Variants in MTARC2 observed in about 807,000 individuals in gnomAD.
MTARC2 encodes the protein mitochondrial amidoxime reducing component 2, also known as MOCO sulphurase C-terminal domain containing 2.
MTARC2 carries 27 observed loss-of-function variants against 35.6 expected under a neutral mutation model. That is an observed-to-expected ratio of 0.76 (90% CI 0.56 to 1.04). The LOEUF is 1.04. Among genes scored for constraint, MTARC2 ranks in the 50% least tolerant of loss-of-function variants. The pLI, the probability that MTARC2 is intolerant of heterozygous loss-of-function variation, is 0.00. For synonymous variants in MTARC2, 158 were observed against 167.1 expected, an observed-to-expected ratio of 0.95 and a Z score of 0.42; for missense variants, 412 against 432.5, an observed-to-expected ratio of 0.95 and a Z score of 0.42.
rs1368987340 is a variant in MTARC2 at position 220,758,821 on chromosome 1, A to ATG, written c.447-2834_447-2833dup. Among the ~76,000 whole-genome samples the ATG allele has an allele frequency of 4.9e-5, 7 of 142,468 alleles. No individual in the cohort carries two copies. In the East Asian group the frequency reaches 1.6e-3, roughly 33 times the overall value. 93.5% of individuals were successfully genotyped at this position (142,468 alleles called of 152,430 possible). On this transcript the variant is annotated intron_variant, in intron 2 of 7. Transcript: ENST00000366913. ...TTGTGGTTCAATTTACAGAAAATTG[A>ATG]TGTGAAAATATGTGTGTGTGTGTGT... is the stretch of plus-strand genomic sequence containing the variant.
intron 4 of MTARC2, among the ~76,000 whole-genome samples, chr1:220,778,620 C>A (rs890594388): frequency 6.6e-6 from 1 of 152,148 alleles, no homozygotes; most frequent in African/African-American, 2.4e-5. Flanking sequence ...CAGATCCAAA[C>A]CATATCATGT....
At chr1:220,754,268 C>T (rs551211955) in intron 1 of MTARC2, 9 of 454,724 alleles carry the variant, frequency 2.0e-5, no homozygotes, top group Admixed American at 2.4e-5. Flanking sequence ...CATAGAAATA[C>T]AAAGTAAGAA....
chr1:220,775,081 A>G (rs1051047549), intron 4 of MTARC2, among the ~76,000 whole-genome samples: 5 of 152,130 alleles, frequency 3.3e-5, no homozygotes, highest in Non-Finnish European at 5.9e-5. Flanking sequence ...TTGCTTGGCA[A>G]ATGCCTACAT....
intron 2 of MTARC2, among the ~76,000 whole-genome samples, chr1:220,757,061 C>A (rs1671299925): frequency 6.6e-6 from 1 of 152,248 alleles, no homozygotes; most frequent in Admixed American, 6.5e-5. Context: ...TGCCATGACG[C>A]CCAGCTAATT....
intron 2 of MTARC2, among the ~76,000 whole-genome samples, chr1:220,760,021 C>A (rs1033604552): frequency 6.6e-6 from 1 of 152,090 alleles, no homozygotes; most frequent in Non-Finnish European, 1.5e-5. Context: ...AGCCTTCCCA[C>A]GGGGAGGGGC....
At chr1:220,778,508 A>G (rs983575659) in intron 4 of MTARC2, among the ~76,000 whole-genome samples, 26 of 152,294 alleles carry the variant, frequency 1.7e-4, no homozygotes, top group Non-Finnish European at 3.1e-4. Context: ...TGGTGGTGCT[A>G]AACCATTCAT....
intron 1 of MTARC2, chr1:220,754,507 C>T: frequency 2.2e-6 from 1 of 449,022 alleles, no homozygotes; most frequent in Non-Finnish European, 4.5e-6. Flanking sequence ...GTCTCAGACT[C>T]AAACTCACTT....
Position 220,769,349 on chromosome 1 carries a change from G to A in MTARC2, c.750+6299G>A, listed in dbSNP as rs541247657. Among the ~76,000 whole-genome samples, 10 of 152,338 alleles carry A rather than the reference G, an allele frequency of 6.6e-5. No individual in the cohort carries two copies. In the South Asian group the frequency reaches 1.9e-3, roughly 28 times the overall value. ...AAAGCCCGCAGCTAGGGCGGCCAGC[G>A]GAAGGCGGATTAACAGGAGACCTGC... On this transcript the variant is annotated intron_variant, in intron 4 of 7. Transcript: ENST00000366913.
intron 4 of MTARC2, among the ~76,000 whole-genome samples, chr1:220,764,763 A>C (rs1377865370): frequency 6.6e-6 from 1 of 150,456 alleles, no homozygotes; most frequent in Non-Finnish European, 1.5e-5. Context: ...CAGAGCGAGA[A>C]CCTGTGTATT....
intron 4 of MTARC2, among the ~76,000 whole-genome samples, chr1:220,775,456 T>C (rs893484032): frequency 7.2e-5 from 11 of 152,198 alleles, no homozygotes; most frequent in African/African-American, 2.7e-4. Context: ...GCACTAAGCG[T>C]CTCGAGCTGA....
chr1:220,763,972 C>CTCT (rs1409877927), intron 4 of MTARC2, among the ~76,000 whole-genome samples: 2 of 152,182 alleles, frequency 1.3e-5, no homozygotes, highest in Non-Finnish European at 2.9e-5. Flanking sequence ...GCTGGGGTGA[C>CTCT]AATTCCAATT....
At chr1:220,761,605 C>A in intron 2 of MTARC2, 53 bp from the exon 3 acceptor site, 1 of 1,532,278 alleles carries the variant, frequency 6.5e-7, no homozygotes, top group Non-Finnish European at 8.8e-7. Context: ...GACACCATCC[C>A]TCAGTGTATT....
At position 220,784,152 on chromosome 1, in the gene MTARC2, CA is replaced by C. The variant is rs1301279842; in HGVS notation, c.*270del. 1 of 482,508 alleles carries C rather than the reference CA, an allele frequency of 2.1e-6. No individual in the cohort carries two copies. Among genetic ancestry groups the C allele is most frequent in the Non-Finnish European group, 3.7e-6 (1 of 267,988 alleles). 29.9% of individuals were successfully genotyped at this position (482,508 alleles called of 1,614,324 possible). A position where few individuals can be genotyped will look rare whatever the true frequency, so the allele number is the denominator to read the frequency against. The stretch of plus-strand genomic sequence containing the variant: ...AGGCTTTAAAAATAATTAAGATCAT[CA>C]AAAATGCTATTTTGAATGTTATCAT... On this transcript the variant is annotated 3_prime_UTR_variant, in exon 8 of 8. Coordinates refer to ENST00000366913, the MANE Select transcript of MTARC2 (RefSeq NM_017898.5).
rs201955759 is a variant in MTARC2, at chr1:220,781,890, C to A, written c.997C>A (p.Arg333=). 7 of 1,613,994 alleles carry A rather than the reference C, an allele frequency of 4.3e-6. No homozygotes were observed. The African/African-American group carries it at 9.3e-5, about 22-fold the overall frequency. Residue 333 remains arginine, a synonymous_variant, in exon 7 of 8, where the codon CGG becomes AGG. Coordinates refer to ENST00000366913, the MANE Select transcript of MTARC2 (RefSeq NM_017898.5). ...GSLRVGDPVY[R]MV Reference sequence around the variant, plus strand: ...CCTGAGAGTTGGTGACCCTGTGTATCGGATGGTGTAGTGATGAGTGATGGA... The same window carrying A: ...CCTGAGAGTTGGTGACCCTGTGTATAGGATGGTGTAGTGATGAGTGATGGA...
At chr1:220,780,651 A>G (rs1382451967) in intron 6 of MTARC2, among the ~76,000 whole-genome samples, 1 of 152,064 alleles carries the variant, frequency 6.6e-6, no homozygotes. Context: ...GGGTTTCACC[A>G]TGTTGGCCAG....
intron 1 of MTARC2, chr1:220,754,540 A>G (rs1671224377): frequency 4.8e-6 from 2 of 419,830 alleles, no homozygotes; most frequent in Non-Finnish European, 9.5e-6. Flanking sequence ...CTTGTTCTAC[A>G]ACAAAAGGAC....
intron 4 of MTARC2, among the ~76,000 whole-genome samples, chr1:220,772,138 T>G (rs1408326052): frequency 3.3e-5 from 5 of 152,230 alleles, no homozygotes; most frequent in Non-Finnish European, 7.3e-5. Context: ...AATAACTTGT[T>G]TAGCCATTCC....
intron 4 of MTARC2, chr1:220,770,239 A>G (rs17008613): frequency 0.19 from 37,089 of 193,252 alleles, 4,062 homozygotes; most frequent in East Asian, 0.44. Flanking sequence ...GATGTCCTTC[A>G]CCATGCTTTT....
At chr1:220,771,320 G>A (rs1291391263) in intron 4 of MTARC2, among the ~76,000 whole-genome samples, 230 of 91,886 alleles carry the variant, frequency 2.5e-3, no homozygotes, top group African/African-American at 8.4e-3. Context: ...AAAAAAAAAA[G>A]CCTTAGGCTT....
Sources: allele counts gnomAD v4.1 joint callset (sites outside exome capture counted in the v4.1 genomes callset), GRCh38; gene constraint gnomAD v4.1.1; transcripts MANE v1.5; gene names NCBI Gene and HGNC (gene_info 2026-07-23, HGNC 2026-07-21).